LONP1: variants seen among roughly 807,000 people sequenced by gnomAD.
LONP1 encodes lon protease homolog, mitochondrial.
Under a neutral mutation model 98.5 loss-of-function variants are expected in LONP1, and 31 were observed. The observed-to-expected ratio is 0.31, with a 90% CI of 0.24 to 0.42. The LOEUF (loss-of-function observed/expected upper bound fraction) is 0.42. LONP1 is among the 20% of genes least tolerant of loss of function. The pLI is 1.00. For missense variants in LONP1, 1,336 were observed against 1,350.6 expected (o/e 0.99, Z 0.17); for synonymous variants, 781 against 594.7 (o/e 1.31, Z -4.56).
At position 5,696,653 on chromosome 19, in the gene LONP1, G is replaced by T. The variant is rs373671256; in HGVS notation, c.1773+17C>A. ...GCATTGCCGGGTTAGGGGGTCTCCG[G>T]GCCTCTCCGCACGCACCTCGTCGAT... On this transcript the variant is annotated intron_variant, in intron 11 of 17. Coordinates refer to ENST00000360614, the MANE Select transcript of LONP1 (RefSeq NM_004793.4). 6.8e-5 allele frequency: 110 copies of T among 1,610,586 alleles called. 1 individual carries two copies. In the Middle Eastern group the frequency reaches 2.6e-3, roughly 39 times the overall value.
At chr19:5,692,587 G>A (rs1027556718) in intron 17 of LONP1, among the ~76,000 whole-genome samples, 11 of 152,138 alleles carry the variant, frequency 7.2e-5, no homozygotes, top group Non-Finnish European at 1.6e-4. Context: ...CTGCCCCCAG[G>A]CCCTGCGTCA....
chr19:5,707,076 T>A lies in LONP1; in HGVS notation c.1130A>T (p.Gln377Leu). 6.2e-7 allele frequency: 1 copy of A among 1,612,202 alleles called. No homozygotes were observed. Among genetic ancestry groups the A allele is most frequent in the East Asian group, 2.2e-5 (1 of 44,874 alleles). The change falls in exon 7 of 18, where the codon CAG becomes CTG. Residue 377 changes from glutamine (Q) to leucine (L), a missense_variant. Transcript: ENST00000360614. ...KKEFELSKLQ[Q>L]RLGREVEEKI... is the part of the protein sequence containing the mutation. The stretch of plus-strand genomic sequence containing the variant: ...CGGGCTCACCTCCCGCCCCAGGCGC[T>A]GCTGCAGCTTGCTCAGTTCAAATTC...
intron 6 of LONP1, among the ~76,000 whole-genome samples, chr19:5,707,408 C>G (rs898067038): frequency 5.3e-5 from 8 of 152,218 alleles, no homozygotes; most frequent in Non-Finnish European, 8.8e-5. Context: ...TGGCAACGCC[C>G]CGGGTACACG....
At chr19:5,720,268 C>G (rs2055421596), upstream of LONP1, 1 of 1,249,402 alleles carries the variant, frequency 8.0e-7, no homozygotes, top group Non-Finnish European at 1.0e-6. Context: ...TGGGCCTACG[C>G]GGAGAAGAGG....
At chr19:5,701,724 C>A (rs906713958) in intron 8 of LONP1, among the ~76,000 whole-genome samples, 1 of 152,160 alleles carries the variant, frequency 6.6e-6, no homozygotes, top group Non-Finnish European at 1.5e-5. Context: ...CCCAAAGTGC[C>A]GAGATTGCAG....
rs1386344323 is a variant in LONP1 at position 5,693,745 on chromosome 19, G to A, written c.2345C>T (p.Thr782Ile). The change falls in exon 16 of 18, where the codon ACA becomes ATA. Residue 782 changes from threonine (T) to isoleucine (I), a missense_variant. Thr to Ile is a moderately conservative substitution (Grantham distance 89, BLOSUM62 -1). Around this residue, in one of 5 missense-constraint regions of LONP1, gnomAD observed 555 missense variants for 542.6 expected, o/e 1.02. Coordinates refer to ENST00000360614, the MANE Select transcript of LONP1 (RefSeq NM_004793.4). Reference sequence around the variant, plus strand: ...CTTGTCCTGTGGCCGTCTCAGGGATGTCTCCACAAACAGCGTGGAGCCTCC... The same window carrying A: ...CTTGTCCTGTGGCCGTCTCAGGGATATCTCCACAAACAGCGTGGAGCCTCC... ...AMGGSTLFVETSLRRPQDKDA... is the reference protein window; with the variant it reads ...AMGGSTLFVEISLRRPQDKDA... 2 of 1,613,926 alleles carry A rather than the reference G, an allele frequency of 1.2e-6. No individual in the cohort carries two copies. The highest frequency in any genetic ancestry group is 1.7e-5 in the Admixed American group (1 of 60,014).
intron 1 of LONP1, among the ~76,000 whole-genome samples, chr19:5,714,585 G>A (rs928704769): frequency 6.7e-6 from 1 of 150,102 alleles, no homozygotes; most frequent in African/African-American, 2.5e-5. Flanking sequence ...GATTATAGGC[G>A]TGAGCCACCA....
Position 5,700,795 on chromosome 19 carries a change from G to A in LONP1, c.1500C>T (p.Arg500=), listed in dbSNP as rs1436405054. 12 of 1,614,034 alleles carry A rather than the reference G, an allele frequency of 7.4e-6. No individual in the cohort carries two copies. Among genetic ancestry groups the A allele is most frequent in the African/African-American group, 1.3e-5 (1 of 74,932 alleles). ...DHYGMEDVKK[R]ILEFIAVSQL... ...GGCCAGACACTGGGCTCACCAGGAT[G>A]CGTTTCTTGACGTCCTCCATGCCGT... The change falls in exon 9 of 18, where the codon CGC becomes CGT. Residue 500 remains arginine, a synonymous_variant. Transcript: ENST00000360614.
intron 10 of LONP1, among the ~76,000 whole-genome samples, chr19:5,697,198 G>A (rs904339489): frequency 2.6e-5 from 4 of 152,218 alleles, no homozygotes; most frequent in African/African-American, 9.6e-5. Context: ...CCCGCGACAG[G>A]GACAGAAGAA....
At chr19:5,718,337 C>T (rs1000746251) in intron 1 of LONP1, among the ~76,000 whole-genome samples, 2 of 151,928 alleles carry the variant, frequency 1.3e-5, no homozygotes, top group Non-Finnish European at 2.9e-5. Flanking sequence ...AATTAGCCAG[C>T]CACGGTGGCG....
At position 5,705,976 on chromosome 19, in the gene LONP1, T is replaced by C. The variant is rs757313461; in HGVS notation, c.1163A>G (p.Lys388Arg). The C allele has an allele frequency of 3.7e-6, 6 of 1,612,504 alleles. No homozygotes were observed. The highest frequency in any genetic ancestry group is 2.2e-5 in the East Asian group (1 of 44,862). Reference protein sequence around the residue: ...RLGREVEEKIKQTHRKYLLQE... With the variant: ...RLGREVEEKIRQTHRKYLLQE... Reference sequence around the variant, plus strand: ...CAGCAGGTACTTACGGTGGGTCTGCTTGATCTTCTCCTCCACCTGTGGGGT... The same window carrying C: ...CAGCAGGTACTTACGGTGGGTCTGCCTGATCTTCTCCTCCACCTGTGGGGT... The change falls in exon 8 of 18, where the codon AAG becomes AGG. Residue 388 changes from lysine to arginine, a missense_variant. Physicochemically the swap from Lys to Arg is conservative, Grantham distance 26 (BLOSUM62 2). Around this residue, in one of 5 missense-constraint regions of LONP1, gnomAD observed 219 missense variants for 241.0 expected, o/e 0.91. Transcript: ENST00000360614.
At chr19:5,707,609 A>T in intron 6 of LONP1, 88 bp downstream of exon 6, 1 of 1,446,978 alleles carries the variant, frequency 6.9e-7, no homozygotes, top group Non-Finnish European at 9.5e-7. Context: ...GGAGCTGAGG[A>T]GGAACGGGGG....
intron 10 of LONP1, among the ~76,000 whole-genome samples, chr19:5,697,921 C>T (rs903578070): frequency 6.6e-6 from 1 of 152,094 alleles, no homozygotes; most frequent in Non-Finnish European, 1.5e-5. Context: ...AACCAGGCTC[C>T]AAGAGGCTTC....
At chr19:5,719,550 C>G (rs2055391051) in intron 1 of LONP1, among the ~76,000 whole-genome samples, 154 bp downstream of exon 1, 1 of 152,228 alleles carries the variant, frequency 6.6e-6, no homozygotes, top group South Asian at 2.1e-4. Flanking sequence ...GGTTCCCAAG[C>G]TAGTGGTGAG....
rs770544641 is a variant in LONP1, at chr19:5,696,413, T to G, written c.1774-42A>C. The G allele has an allele frequency of 1.6e-5, 26 of 1,600,830 alleles. No individual in the cohort carries two copies. In the East Asian group the frequency reaches 2.7e-4, roughly 17 times the overall value. On this transcript the variant is annotated intron_variant, in intron 11 of 17. Coordinates refer to ENST00000360614, the MANE Select transcript of LONP1 (RefSeq NM_004793.4). ...CAGGTGGTGCCCCTCGCCGTGCCCC[T>G]GGCCAGCCCGCCCAGTGGGGAGACC...
intron 10 of LONP1, 110 bp downstream of exon 10, chr19:5,698,917 T>G: frequency 1.7e-6 from 2 of 1,157,540 alleles, no homozygotes; most frequent in Non-Finnish European, 2.3e-6. Flanking sequence ...TGGAATCGGT[T>G]GCCCACAACC....
In LONP1 at chr19:5,694,521, C is replaced by G. The variant is rs140042721; in HGVS notation, c.2186G>C (p.Ser729Thr). 1.2e-6 allele frequency: 2 copies of G among 1,613,082 alleles called. No individual in the cohort carries two copies. The highest frequency in any genetic ancestry group is 2.7e-5 in the African/African-American group (2 of 74,926). ...VLRKSAYKIV[S>T]GEAESVEVTP... Reference sequence around the variant, plus strand: ...CACCTCCACGGACTCGGCCTCGCCGCTGACAATCTTGTAGGCCGATTTCCG... The same window carrying G: ...CACCTCCACGGACTCGGCCTCGCCGGTGACAATCTTGTAGGCCGATTTCCG... Residue 729 changes from serine to threonine, a missense_variant, in exon 15 of 18, where the codon AGC (serine) becomes ACC (threonine). Coordinates refer to ENST00000360614, the MANE Select transcript of LONP1 (RefSeq NM_004793.4).
At chr19:5,699,368 G>C (rs1478062173) in intron 9 of LONP1, among the ~76,000 whole-genome samples, 163 bp from the exon 10 acceptor site, 2 of 152,170 alleles carry the variant, frequency 1.3e-5, no homozygotes, top group African/African-American at 4.8e-5. Flanking sequence ...CTGGCCACGG[G>C]GAGGGGCAGC....
chr19:5,706,599 CCTGT>C (rs1363902270), intron 7 of LONP1, among the ~76,000 whole-genome samples: 1 of 151,992 alleles, frequency 6.6e-6, no homozygotes, highest in Non-Finnish European at 1.5e-5. Context: ...CGACTGAGAC[CCTGT>C]CTTAAAGTAA....
Sources: gnomAD v4.1 joint callset for allele counts (sites outside exome capture counted in the v4.1 genomes callset) on GRCh38, gnomAD v4.1.1 for gene constraint, gnomAD v4.1.1 regional missense constraint, MANE v1.5 for transcripts, NCBI Gene and HGNC (gene_info 2026-07-23, HGNC 2026-07-21) for gene names.